The following CFAP299 variants were observed in gnomAD, a reference collection of about 807,000 sequenced individuals.
CFAP299 encodes the protein cilia and flagella associated protein 299, also known as cilia- and flagella-associated protein 299.
In CFAP299, 21 loss-of-function variants were observed where a neutral mutation model predicts 27.0. The observed-to-expected ratio is 0.78, with a 90% CI of 0.55 to 1.12. The LOEUF is 1.12. Ranked by LOEUF, CFAP299 falls within the 50% of genes most tolerant of loss-of-function variation. The pLI is 0.00. For missense variants in CFAP299, 310 were observed against 276.6 expected (o/e 1.12, Z -0.86); for synonymous variants, 104 against 98.1 (o/e 1.06, Z -0.36).
At chr4:80,568,757 T>A (rs1234500337) in intron 2 of CFAP299, among the ~76,000 whole-genome samples, 2 of 152,002 alleles carry the variant, frequency 1.3e-5, no homozygotes, top group East Asian at 1.9e-4. Context: ...GATTTTTGAG[T>A]CTTGTATAGA....
At chr4:80,676,498 C>T (rs896570354) in intron 3 of CFAP299, among the ~76,000 whole-genome samples, 10 of 152,118 alleles carry the variant, frequency 6.6e-5, no homozygotes, top group African/African-American at 2.4e-4. Context: ...ATTCCCTCCT[C>T]TTCAATTTTT....
At chr4:80,504,092 T>C (rs967451633) in intron 2 of CFAP299, among the ~76,000 whole-genome samples, 14 of 152,080 alleles carry the variant, frequency 9.2e-5, no homozygotes, top group African/African-American at 3.4e-4. Context: ...GGGTGGTATA[T>C]GGCATGTCTC....
At chr4:80,573,070 T>C (rs889542327) in intron 2 of CFAP299, among the ~76,000 whole-genome samples, 4 of 152,114 alleles carry the variant, frequency 2.6e-5, no homozygotes, top group African/African-American at 9.7e-5. Context: ...GTGGCTATAG[T>C]AATTTACAGT....
At chr4:80,786,848 A>C (rs1432949612) in intron 3 of CFAP299, among the ~76,000 whole-genome samples, 2 of 152,200 alleles carry the variant, frequency 1.3e-5, no homozygotes, top group Admixed American at 1.3e-4. Context: ...CCAATGCTTA[A>C]ATCTGGATGA....
chr4:80,471,634 G>T (rs1470611315), intron 2 of CFAP299, among the ~76,000 whole-genome samples: 2 of 149,932 alleles, frequency 1.3e-5, no homozygotes, highest in Non-Finnish European at 3.0e-5. Flanking sequence ...GGTGGGTGAA[G>T]ATCTGCTTTC....
chr4:80,730,248 C>CTGTGTGTGTGTGTGTGTG (rs34594345), intron 3 of CFAP299, among the ~76,000 whole-genome samples: 1 of 130,800 alleles, frequency 7.6e-6, no homozygotes, highest in Admixed American at 7.6e-5. Context: ...CTCTCTCTCT[C>CTGTGTGTGTGTGTGTGTG]TGTGTGTGTG....
intron 3 of CFAP299, among the ~76,000 whole-genome samples, chr4:80,864,463 TA>T (rs2110162292): frequency 6.9e-6 from 1 of 143,886 alleles, no homozygotes; most frequent in African/African-American, 2.6e-5. Context: ...TATAAGTATA[TA>T]TATACCTATG....
chr4:80,421,628 G>A lies in CFAP299; in HGVS notation c.242+58744G>A, dbSNP rs1196844540. Among the ~76,000 whole-genome samples the A allele has an allele frequency of 6.6e-5, 10 of 152,220 alleles. No homozygotes were observed. The South Asian group carries it at 1.7e-3, about 25-fold the overall frequency. ...AAACAACAAGATGAAATAACTTAAC[G>A]TACACTAAGTTAGTTTTTGAAGCTG... On this transcript the variant is annotated intron_variant, in intron 2 of 5. Coordinates refer to ENST00000358105, the MANE Select transcript of CFAP299 (RefSeq NM_152770.3).
At chr4:80,397,084 C>T (rs945658347) in intron 2 of CFAP299, among the ~76,000 whole-genome samples, 1 of 137,762 alleles carries the variant, frequency 7.3e-6, no homozygotes, top group African/African-American at 2.6e-5. Context: ...TTCGGGGATT[C>T]AACTTCTTCC....
At chr4:80,757,828 A>G (rs1332635600) in intron 3 of CFAP299, among the ~76,000 whole-genome samples, 1 of 152,112 alleles carries the variant, frequency 6.6e-6, no homozygotes, top group Non-Finnish European at 1.5e-5. Context: ...ACTGGAATGC[A>G]TAGACTCTGG....
Position 80,716,610 on chromosome 4 carries a change from T to C in CFAP299, c.333+133427T>C, listed in dbSNP as rs1722500896. Among the ~76,000 whole-genome samples the C allele has an allele frequency of 2.6e-5, 4 of 152,188 alleles. No individual in the cohort carries two copies. In the South Asian group the frequency reaches 8.3e-4, roughly 32 times the overall value. On this transcript the variant is annotated intron_variant, in intron 3 of 5. Transcript: ENST00000358105. ...AAGCTAGATGATTTGGCTCTAGTTGTGATATATTTTGTAGCTTACTTCTTT... is the reference window on the plus strand; with the variant it reads ...AAGCTAGATGATTTGGCTCTAGTTGCGATATATTTTGTAGCTTACTTCTTT...
At chr4:80,488,274 T>C (rs183838980) in intron 2 of CFAP299, among the ~76,000 whole-genome samples, 2 of 152,250 alleles carry the variant, frequency 1.3e-5, no homozygotes, top group East Asian at 3.9e-4. Flanking sequence ...CCCAGAGGTT[T>C]TGGAAATACA....
chr4:80,895,060 T>C (rs1734546210), intron 4 of CFAP299, among the ~76,000 whole-genome samples: 1 of 151,934 alleles, frequency 6.6e-6, no homozygotes, highest in Admixed American at 6.6e-5. Context: ...AAGTTTCAGT[T>C]ATGCAGGATG....
chr4:80,522,488 C>T (rs1001273000), intron 2 of CFAP299, among the ~76,000 whole-genome samples: 1 of 152,072 alleles, frequency 6.6e-6, no homozygotes, highest in Non-Finnish European at 1.5e-5. Context: ...CTTGGCTGCA[C>T]AGAAGTTTTT....
At chr4:80,883,635 AATCTT>A (rs1381744407) in intron 4 of CFAP299, among the ~76,000 whole-genome samples, 1 of 152,160 alleles carries the variant, frequency 6.6e-6, no homozygotes, top group Non-Finnish European at 1.5e-5. Context: ...AGGAGTGTCT[AATCTT>A]ATATTAGACA....
intron 3 of CFAP299, among the ~76,000 whole-genome samples, chr4:80,630,276 G>A (rs59881454): frequency 0.045 from 6,914 of 152,158 alleles, 550 homozygotes; most frequent in African/African-American, 0.16. Flanking sequence ...TAAATTAACA[G>A]TAAAGTAAAA....
chr4:80,751,488 G>A lies in CFAP299; in HGVS notation c.334-118505G>A, dbSNP rs993470572. Among the ~76,000 whole-genome samples the A allele has an allele frequency of 1.3e-3, 204 of 152,064 alleles. 2 individuals carry two copies. Among genetic ancestry groups the A allele is most frequent in the African/African-American group, 4.6e-3 (192 of 41,486 alleles). ...CCCTGGGAGTTCCATCTCAGGCCAG[G>A]GCTCTAATCTTAGAGCCCCAGCCAT... On this transcript the variant is annotated intron_variant, in intron 3 of 5. Coordinates refer to ENST00000358105, the MANE Select transcript of CFAP299 (RefSeq NM_152770.3).
At chr4:80,519,055 G>T (rs1182618249) in intron 2 of CFAP299, among the ~76,000 whole-genome samples, 1 of 152,058 alleles carries the variant, frequency 6.6e-6, no homozygotes, top group Non-Finnish European at 1.5e-5. Flanking sequence ...ATTAACATTG[G>T]TGATTAAATA....
chr4:80,423,009 A>C (rs1280168917), intron 2 of CFAP299, among the ~76,000 whole-genome samples: 1 of 152,246 alleles, frequency 6.6e-6, no homozygotes, highest in Non-Finnish European at 1.5e-5. Context: ...CAATTATGTA[A>C]CACAATGATA....
Sources: gnomAD v4.1 joint callset for allele counts (sites outside exome capture counted in the v4.1 genomes callset) on GRCh38, gnomAD v4.1.1 for gene constraint, MANE v1.5 for transcripts, NCBI Gene and HGNC (gene_info 2026-07-23, HGNC 2026-07-21) for gene names.